The following STOX2 variants were observed in gnomAD, a reference collection of about 807,000 sequenced individuals.
STOX2 encodes storkhead-box protein 2.
Under a neutral mutation model 60.9 loss-of-function variants are expected in STOX2, and 28 were observed. The observed-to-expected ratio is 0.46, with a 90% CI of 0.34 to 0.63. STOX2 has a LOEUF of 0.63. Among genes scored for constraint, STOX2 ranks in the 30% least tolerant of loss-of-function variants. The pLI is 0.01. For missense variants in STOX2, 1,024 were observed against 1,187.7 expected, an observed-to-expected ratio of 0.86 and a Z score of 2.03; for synonymous variants, 472 against 463.9, an observed-to-expected ratio of 1.02 and a Z score of -0.22.
rs757823593 is a variant in STOX2 at position 184,009,377 on chromosome 4, C to T, written c.539C>T (p.Pro180Leu). The T allele has an allele frequency of 3.1e-6, 5 of 1,613,994 alleles. No individual in the cohort carries two copies. In the South Asian group the frequency reaches 5.5e-5, roughly 18 times the overall value. Residue 180 changes from proline to leucine, a missense_variant, in exon 3 of 4, where the codon CCC becomes CTC. This residue lies in a region of STOX2 where 922 missense variants were observed against 1,058.3 expected (regional missense o/e 0.87). Coordinates refer to ENST00000308497, the MANE Select transcript of STOX2 (RefSeq NM_020225.3). This position sits in a 1 kb window ranked among gnomAD's most constrained non-coding sequence, Gnocchi z 4.0. ...TCTCCGCAACCCGGGACCATCACGCCCTCTGCCTCAGGCTGTGTCAGGGAA... is the reference window on the plus strand; with the variant it reads ...TCTCCGCAACCCGGGACCATCACGCTCTCTGCCTCAGGCTGTGTCAGGGAA... ...CTSPQPGTIT[P>L]SASGCVRERT...
chr4:183,879,401 G>A (rs1740903462), intron 1 of STOX2, among the ~76,000 whole-genome samples: 1 of 152,218 alleles, frequency 6.6e-6, no homozygotes, highest in Admixed American at 6.5e-5. Context: ...CCTCACTCTG[G>A]AGGAAACCAC....
intron 1 of STOX2, among the ~76,000 whole-genome samples, chr4:183,989,520 A>G (rs191514630): frequency 7.2e-5 from 11 of 152,170 alleles, no homozygotes; most frequent in Admixed American, 7.2e-4. Context: ...TTTTCTTACC[A>G]ATTAATATAT....
chr4:183,908,173 T>A (rs1338523201), intron 1 of STOX2, among the ~76,000 whole-genome samples: 1 of 152,170 alleles, frequency 6.6e-6, no homozygotes, highest in Non-Finnish European at 1.5e-5. Flanking sequence ...TCAGGCGACA[T>A]AAGGATGTTG....
At chr4:183,873,030 C>T (rs1451363688) in intron 1 of STOX2, among the ~76,000 whole-genome samples, 1 of 152,124 alleles carries the variant, frequency 6.6e-6, no homozygotes, top group African/African-American at 2.4e-5. Context: ...GTGTTACTTA[C>T]TTTTTGGAAG....
upstream of STOX2, among the ~76,000 whole-genome samples, chr4:183,901,917 C>G (rs117066287): frequency 6.6e-6 from 1 of 152,160 alleles, no homozygotes; most frequent in Non-Finnish European, 1.5e-5. Flanking sequence ...TCTTCTGATG[C>G]ACACATTTTA....
chr4:183,982,666 G>A (rs1732697293), intron 1 of STOX2, among the ~76,000 whole-genome samples: 1 of 152,146 alleles, frequency 6.6e-6, no homozygotes, highest in Non-Finnish European at 1.5e-5. Flanking sequence ...TAGTCTTTTC[G>A]ATAGATTCTG....
intron 1 of STOX2, among the ~76,000 whole-genome samples, chr4:183,923,894 G>T (rs1166635123): frequency 6.6e-6 from 1 of 152,156 alleles, no homozygotes; most frequent in African/African-American, 2.4e-5. Context: ...CCCTCCGGAA[G>T]GTAGGAACAC....
chr4:183,995,925 C>T (rs538846486), intron 1 of STOX2, among the ~76,000 whole-genome samples: 1 of 152,182 alleles, frequency 6.6e-6, no homozygotes, highest in Non-Finnish European at 1.5e-5. Flanking sequence ...GGAGGGGGTC[C>T]GTCTTCCATG....
chr4:183,979,596 T>A (rs1579498428), intron 1 of STOX2, among the ~76,000 whole-genome samples: 1 of 152,176 alleles, frequency 6.6e-6, no homozygotes, highest in East Asian at 1.9e-4. Context: ...TAATATTTTA[T>A]TATTATTTTA....
chr4:183,815,890 T>G (rs1047803487), intron 1 of STOX2, among the ~76,000 whole-genome samples: 3 of 152,272 alleles, frequency 2.0e-5, no homozygotes, highest in Admixed American at 1.3e-4. Flanking sequence ...GTGTGTGTAT[T>G]TTTTTAAAAT....
At chr4:183,861,605 G>C (rs1307267633) in intron 1 of STOX2, among the ~76,000 whole-genome samples, 2 of 152,134 alleles carry the variant, frequency 1.3e-5, no homozygotes, top group African/African-American at 4.8e-5. Context: ...CTGTGTGACC[G>C]TGAACAAGTC....
intron 1 of STOX2, among the ~76,000 whole-genome samples, chr4:183,961,883 A>G (rs968027485): frequency 1.3e-5 from 2 of 152,268 alleles, no homozygotes; most frequent in Admixed American, 6.5e-5. Context: ...TGTTGATTCT[A>G]TCTCCTGGCA....
rs67994351 is a variant in STOX2 at position 183,852,356 on chromosome 4, A to G, written c.364+54301A>G. ...GGGAAAGGATGAGGGAAAGGATGAGAGAAACGATGAGGGAAAGGATGAGAG... is the reference window on the plus strand; with the variant it reads ...GGGAAAGGATGAGGGAAAGGATGAGGGAAACGATGAGGGAAAGGATGAGAG... On this transcript the variant is annotated intron_variant, in intron 1 of 2. Coordinates refer to the STOX2 transcript ENST00000513034. Among the ~76,000 whole-genome samples, 478 of 68,092 alleles carry G rather than the reference A, an allele frequency of 7.0e-3. 2 individuals are homozygous for G. The highest frequency in any genetic ancestry group is 0.024 in the Middle Eastern group (2 of 82). The allele number at this position is 68,092 out of a possible 152,430, so 44.7% of individuals were successfully genotyped here.
chr4:183,957,186 A>AATAATAAT (rs1462710839), intron 1 of STOX2, among the ~76,000 whole-genome samples: 3 of 127,940 alleles, frequency 2.3e-5, no homozygotes, highest in South Asian at 2.5e-4. Context: ...ATAATAATAA[A>AATAATAAT]AGAAAAAACA....
At chr4:183,860,453 A>AAC (rs1740409725) in intron 1 of STOX2, among the ~76,000 whole-genome samples, 2 of 151,302 alleles carry the variant, frequency 1.3e-5, no homozygotes, top group Non-Finnish European at 3.0e-5. Flanking sequence ...AAAAAAAAAA[A>AAC]AAAAAGAAGA....
chr4:183,962,457 G>A (rs1481725586), intron 1 of STOX2, among the ~76,000 whole-genome samples: 4 of 151,946 alleles, frequency 2.6e-5, no homozygotes, highest in Admixed American at 2.0e-4. Context: ...AAATTAATAC[G>A]TTAAAGATTA....
chr4:183,823,670 C>G (rs986252788), intron 1 of STOX2, among the ~76,000 whole-genome samples: 1 of 152,158 alleles, frequency 6.6e-6, no homozygotes, highest in East Asian at 1.9e-4. Context: ...GCTCTGGGCC[C>G]GAGAGACACC....
intron 1 of STOX2, among the ~76,000 whole-genome samples, chr4:183,890,823 T>C (rs1053461545): frequency 6.6e-6 from 1 of 152,102 alleles, no homozygotes; most frequent in African/African-American, 2.4e-5. Flanking sequence ...TGTTATTCAA[T>C]AAGGCTGGTT....
chr4:184,014,262 A>G (rs1282230291), intron 3 of STOX2: 1 of 152,194 alleles, frequency 6.6e-6, no homozygotes, highest in Non-Finnish European at 1.5e-5. Context: ...GGTATGTAGA[A>G]GGAAAAAGGG....
Sources: gnomAD v4.1 joint callset for allele counts (sites outside exome capture counted in the v4.1 genomes callset) on GRCh38, gnomAD v4.1.1 for gene constraint, gnomAD v4.1.1 regional missense constraint, Gnocchi (gnomAD v3.1) non-coding constraint, MANE v1.5 for transcripts, NCBI Gene and HGNC (gene_info 2026-07-23, HGNC 2026-07-21) for gene names.